The following SYNJ2 variants were observed in gnomAD, a reference collection of about 807,000 sequenced individuals.
SYNJ2 encodes polyphosphatidylinositol phosphatase SYNJ2.
Under a neutral mutation model 141.3 loss-of-function variants are expected in SYNJ2, and 116 were observed. The observed-to-expected ratio is 0.82, with a 90% CI of 0.71 to 0.96. SYNJ2 has a LOEUF of 0.96. Ranked by LOEUF, SYNJ2 falls within the 40% of genes least tolerant of loss-of-function variation. The pLI is 0.00. For missense variants in SYNJ2, 1,873 were observed against 1,934.8 expected, an observed-to-expected ratio of 0.97 and a Z score of 0.60; for synonymous variants, 745 against 777.7, an observed-to-expected ratio of 0.96 and a Z score of 0.70.
chr6:158,041,773 A>G (rs1056574689), intron 4 of SYNJ2, among the ~76,000 whole-genome samples: 1 of 152,168 alleles, frequency 6.6e-6, no homozygotes, highest in East Asian at 1.9e-4. Flanking sequence ...TCGTGGTGCA[A>G]TCATAGCTCA....
intron 22 of SYNJ2, among the ~76,000 whole-genome samples, chr6:158,085,672 A>G (rs1374656163): frequency 2.0e-5 from 3 of 152,232 alleles, no homozygotes. Flanking sequence ...CCGAACCATC[A>G]GGAGCTTTTA....
rs779355656 is a variant in SYNJ2, at chr6:158,086,811, G to A, written c.3209-44G>A. Reference sequence around the variant, plus strand: ...TCAGATCCGTGTCTGACACGCTCACGTGTGGAACAGACCATTGTACTCATG... The same window carrying A: ...TCAGATCCGTGTCTGACACGCTCACATGTGGAACAGACCATTGTACTCATG... On this transcript the variant is annotated intron_variant, in intron 22 of 26. Coordinates refer to ENST00000355585, the MANE Select transcript of SYNJ2 (RefSeq NM_003898.4). 5.6e-6 allele frequency: 9 copies of A among 1,600,838 alleles called. No homozygotes were observed. The South Asian group carries it at 6.6e-5, about 12-fold the overall frequency.
Position 158,062,094 on chromosome 6 carries a change from T to C in SYNJ2, c.1057T>C (p.Leu353=). The part of the protein sequence containing the change: ...GGKLEKLETL[L]RPQLKLHWED... Reference sequence around the variant, plus strand: ...GAAGCTAGAGAAATTGGAGACCCTCTTGAGGCCACAGTTAAAGCTGCACTG... The same window carrying C: ...GAAGCTAGAGAAATTGGAGACCCTCCTGAGGCCACAGTTAAAGCTGCACTG... Residue 353 remains leucine (L), a synonymous_variant, in exon 8 of 27, where the codon TTG becomes CTG. Transcript: ENST00000355585. 6.2e-7 allele frequency: 1 copy of C among 1,614,162 alleles called. No homozygotes were observed. The highest frequency in any genetic ancestry group is 2.2e-5 in the East Asian group (1 of 44,876).
chr6:157,997,756 C>G (rs57192861), intron 1 of SYNJ2, among the ~76,000 whole-genome samples: 1,491 of 103,996 alleles, frequency 0.014, 23 homozygotes, highest in African/African-American at 0.066. Context: ...AATGACGAAG[C>G]ATTGGCAAAA....
rs1186457240 is a variant in SYNJ2, at chr6:158,070,194, G to A, written c.1940+521G>A. The A allele has an allele frequency of 7.1e-6, 7 of 985,358 alleles. No homozygotes were observed. Among genetic ancestry groups the A allele is most frequent in the South Asian group, 4.7e-5 (1 of 21,280 alleles). The allele number at this position is 985,358 out of a possible 1,614,324, so 61.0% of individuals were successfully genotyped here. A position where few individuals can be genotyped will look rare whatever the true frequency, so the allele number is the denominator to read the frequency against. On this transcript the variant is annotated intron_variant, in intron 14 of 26. Coordinates refer to ENST00000355585, the MANE Select transcript of SYNJ2 (RefSeq NM_003898.4). The surrounding 1 kb of genome is among the most constrained non-coding windows in gnomAD (Gnocchi z 4.0). ...GTGTGGGTGTGGGTGTTTGGATGCT[G>A]GAGGAACTCATCTTTTCCCCAGCTT...
chr6:158,048,051 A>G (rs1024952596), intron 5 of SYNJ2, among the ~76,000 whole-genome samples: 2 of 152,114 alleles, frequency 1.3e-5, no homozygotes, highest in African/African-American at 4.8e-5. Context: ...ACTCATCGTA[A>G]ATCAGTAACC....
At chr6:158,054,016 G>A (rs12210253) in intron 5 of SYNJ2, among the ~76,000 whole-genome samples, 73,364 of 145,404 alleles carry the variant, frequency 0.5, 18,151 homozygotes, top group South Asian at 0.61. Context: ...CCATTCAGTC[G>A]CCCATCTATT....
chr6:158,016,746 G>A (rs111915832), intron 1 of SYNJ2, among the ~76,000 whole-genome samples: 1 of 152,180 alleles, frequency 6.6e-6, no homozygotes, highest in African/African-American at 2.4e-5. Context: ...GGGATGGGTT[G>A]GACCCAGGCC....
chr6:158,017,137 G>T, intron 1 of SYNJ2, 67 bp from the exon 2 acceptor site: 1 of 1,561,402 alleles, frequency 6.4e-7, no homozygotes, highest in South Asian at 1.2e-5. Context: ...TGGCAAGCCG[G>T]GTGTGAATGA....
At chr6:157,998,523 G>C (rs1336997483) in intron 1 of SYNJ2, among the ~76,000 whole-genome samples, 8 of 152,208 alleles carry the variant, frequency 5.3e-5, no homozygotes, top group Non-Finnish European at 1.2e-4. Flanking sequence ...TTCTCATACA[G>C]AAGGGAAGAA....
Position 158,078,294 on chromosome 6 carries a change from C to T in SYNJ2, c.2567+13C>T. ...CGTCTGATCACAGGTGAGGTCCTGA[C>T]TTCCATGGCGTTTTCTCCTGTGCTG... is the stretch of plus-strand genomic sequence containing the variant. On this transcript the variant is annotated intron_variant, in intron 18 of 26. Transcript: ENST00000355585. The T allele has an allele frequency of 6.3e-7, 1 of 1,577,526 alleles. No homozygotes were observed. The highest frequency in any genetic ancestry group is 8.7e-7 in the Non-Finnish European group (1 of 1,147,434).
Position 157,982,048 on chromosome 6 carries a change from C to A in SYNJ2, c.87C>A (p.Asp29Glu). Residue 29 changes from aspartate to glutamate, a missense_variant, in exon 1 of 27, where the codon GAC becomes GAA. By Grantham distance (45) the Asp-to-Glu change is conservative (BLOSUM62 2). Coordinates refer to ENST00000355585, the MANE Select transcript of SYNJ2 (RefSeq NM_003898.4). The surrounding 1 kb of genome is among the most constrained non-coding windows in gnomAD (Gnocchi z 4.0). ...CSVLLEARGRDDCLLFEAGTV... is the reference protein window; with the variant it reads ...CSVLLEARGREDCLLFEAGTV... ...TGCTGCTGGAGGCGCGCGGCCGCGA[C>A]GACTGCCTGCTGTTCGAGGCCGGCA... 1 of 1,336,042 alleles carries A rather than the reference C, an allele frequency of 7.5e-7. No homozygotes were observed. Among genetic ancestry groups the A allele is most frequent in the Non-Finnish European group, 9.6e-7 (1 of 1,046,468 alleles). 82.8% of individuals were successfully genotyped at this position (1,336,042 alleles called of 1,614,324 possible).
intron 2 of SYNJ2, among the ~76,000 whole-genome samples, chr6:158,024,559 CA>C (rs1778937251): frequency 6.6e-6 from 1 of 151,716 alleles, no homozygotes; most frequent in African/African-American, 2.4e-5. Context: ...AGAGGACAGC[CA>C]AAAAAAATTA....
chr6:158,018,204 G>A (rs1444263431), intron 2 of SYNJ2, among the ~76,000 whole-genome samples: 1 of 152,092 alleles, frequency 6.6e-6, no homozygotes, highest in East Asian at 1.9e-4. Context: ...GTGGTGGCCG[G>A]CTGTCGTGGG....
chr6:158,073,769 G>A (rs983038100), intron 15 of SYNJ2, among the ~76,000 whole-genome samples: 5 of 152,042 alleles, frequency 3.3e-5, no homozygotes, highest in African/African-American at 1.2e-4. Context: ...ATTGTCATGG[G>A]GGGAGTGGAA....
chr6:158,024,267 A>C (rs1176100913), intron 2 of SYNJ2, among the ~76,000 whole-genome samples: 1 of 152,130 alleles, frequency 6.6e-6, no homozygotes, highest in African/African-American at 2.4e-5. Context: ...TCTACTAAAA[A>C]TACAAAAATT....
In SYNJ2 at chr6:158,088,661, C is replaced by A. The variant is rs771053045; in HGVS notation, c.3345C>A (p.Thr1115=). ...CTCTGCCCTCGTTGGTTTTTACAGC[C>A]GGTTTAATGGTGAAAAAGTCGGCTT... ...PQPPQRPPPP[T]GLMVKKSASD... The change falls in exon 24 of 27, where the codon ACC becomes ACA. Residue 1115 remains threonine, a splice_region_variant and synonymous_variant. Transcript: ENST00000355585. 3 of 1,613,278 alleles carry A rather than the reference C, an allele frequency of 1.9e-6. No homozygotes were observed. Among genetic ancestry groups the A allele is most frequent in the Admixed American group, 1.7e-5 (1 of 59,968 alleles).
intron 2 of SYNJ2, chr6:158,017,554 A>G (rs1471916521): frequency 2.1e-6 from 1 of 480,706 alleles, no homozygotes; most frequent in Non-Finnish European, 3.8e-6. Flanking sequence ...AGCTGGGACT[A>G]CAGGCATGCG....
intron 18 of SYNJ2, 149 bp downstream of exon 18, chr6:158,078,430 T>A: frequency 1.8e-6 from 1 of 560,890 alleles, no homozygotes. Flanking sequence ...GAACAAAGAA[T>A]GATGGAACAA....
Sources: gnomAD v4.1 joint callset for allele counts (sites outside exome capture counted in the v4.1 genomes callset) on GRCh38, gnomAD v4.1.1 for gene constraint, Gnocchi (gnomAD v3.1) non-coding constraint, MANE v1.5 for transcripts, NCBI Gene and HGNC (gene_info 2026-07-23, HGNC 2026-07-21) for gene names.